The following KCTD8 variants were observed in gnomAD, a reference collection of about 807,000 sequenced individuals.
KCTD8 encodes potassium channel tetramerization domain containing 8.
Under a neutral mutation model 31.5 loss-of-function variants are expected in KCTD8, and 27 were observed. The ratio of observed to expected loss-of-function variants is 0.86; its 90% confidence interval spans 0.63 to 1.18. KCTD8 has a LOEUF of 1.18. Ranked by LOEUF, KCTD8 falls within the 50% of genes most tolerant of loss-of-function variation. KCTD8 has a pLI of 0.00. For missense variants in KCTD8, 658 were observed against 647.7 expected (o/e 1.02, Z -0.17); for synonymous variants, 290 against 280.0 (o/e 1.04, Z -0.36).
intron 1 of KCTD8, among the ~76,000 whole-genome samples, chr4:44,424,073 G>A (rs1489905471): frequency 6.6e-6 from 1 of 152,002 alleles, no homozygotes; most frequent in African/African-American, 2.4e-5. Context: ...CAGCACAATG[G>A]GTTCTAGTTT....
chr4:44,429,843 T>C (rs1234666643), intron 1 of KCTD8, among the ~76,000 whole-genome samples: 1 of 151,682 alleles, frequency 6.6e-6, no homozygotes, highest in Non-Finnish European at 1.5e-5. Context: ...ATAGTTCCTC[T>C]ACTATTAGAA....
At chr4:44,207,423 T>A (rs757747194) in intron 1 of KCTD8, among the ~76,000 whole-genome samples, 15 of 152,294 alleles carry the variant, frequency 9.8e-5, no homozygotes, top group Admixed American at 2.0e-4. Flanking sequence ...CATTTTACGT[T>A]TCTTGTTCAT....
At chr4:44,292,234 C>A (rs1288255623) in intron 1 of KCTD8, among the ~76,000 whole-genome samples, 1 of 151,910 alleles carries the variant, frequency 6.6e-6, no homozygotes, top group Admixed American at 6.6e-5. Flanking sequence ...ACGTGCCCAT[C>A]GACAGTGGAC....
intron 1 of KCTD8, among the ~76,000 whole-genome samples, chr4:44,229,117 A>G (rs1715045504): frequency 6.6e-6 from 1 of 152,166 alleles, no homozygotes; most frequent in Non-Finnish European, 1.5e-5. Context: ...TTGGATTATT[A>G]TCATGATTGA....
At chr4:44,425,242 A>G (rs1226561651) in intron 1 of KCTD8, among the ~76,000 whole-genome samples, 1 of 152,048 alleles carries the variant, frequency 6.6e-6, no homozygotes, top group Non-Finnish European at 1.5e-5. Context: ...GATTTGGGAA[A>G]GGAAGAACCC....
intron 1 of KCTD8, among the ~76,000 whole-genome samples, chr4:44,421,823 T>G (rs1233379358): frequency 6.6e-6 from 1 of 152,094 alleles, no homozygotes; most frequent in Non-Finnish European, 1.5e-5. Flanking sequence ...GAGCTACTAT[T>G]GGGAGTAAGC....
chr4:44,258,782 A>G (rs1347507469), intron 1 of KCTD8, among the ~76,000 whole-genome samples: 1 of 151,886 alleles, frequency 6.6e-6, no homozygotes, highest in East Asian at 1.9e-4. Flanking sequence ...CATATGAGTC[A>G]AGTGGTTTAA....
intron 1 of KCTD8, among the ~76,000 whole-genome samples, chr4:44,284,782 G>T (rs1717006448): frequency 6.6e-6 from 1 of 151,840 alleles, no homozygotes; most frequent in Non-Finnish European, 1.5e-5. Flanking sequence ...CAAGAAAAAA[G>T]CAAACAGCCC....
At chr4:44,230,377 T>A (rs1262602783) in intron 1 of KCTD8, among the ~76,000 whole-genome samples, 1 of 152,206 alleles carries the variant, frequency 6.6e-6, no homozygotes, top group Non-Finnish European at 1.5e-5. Context: ...AAAATTCAGT[T>A]AACCCACTTA....
intron 1 of KCTD8, among the ~76,000 whole-genome samples, chr4:44,429,672 C>A (rs897617830): frequency 2.6e-5 from 4 of 151,736 alleles, no homozygotes; most frequent in African/African-American, 7.3e-5. Flanking sequence ...ATTAAAGGAA[C>A]TCTGGCAAGT....
At chr4:44,225,465 T>C (rs1231654066) in intron 1 of KCTD8, among the ~76,000 whole-genome samples, 2 of 152,242 alleles carry the variant, frequency 1.3e-5, no homozygotes, top group Non-Finnish European at 2.9e-5. Flanking sequence ...AGTTGAGAAG[T>C]TGTGGTACAG....
At chr4:44,394,068 T>A (rs145845372) in intron 1 of KCTD8, among the ~76,000 whole-genome samples, 91 of 152,158 alleles carry the variant, frequency 6.0e-4, no homozygotes, top group African/African-American at 2.1e-3. Flanking sequence ...TACTTTCTCA[T>A]TAAATCATTA....
intron 1 of KCTD8, among the ~76,000 whole-genome samples, chr4:44,281,384 G>A (rs1280294707): frequency 6.6e-6 from 1 of 152,018 alleles, no homozygotes; most frequent in African/African-American, 2.4e-5. Flanking sequence ...CACAGATTTA[G>A]AAGAAATACA....
At chr4:44,358,791 G>T (rs543302477) in intron 1 of KCTD8, among the ~76,000 whole-genome samples, 1 of 151,908 alleles carries the variant, frequency 6.6e-6, no homozygotes, top group African/African-American at 2.4e-5. Flanking sequence ...GGATGGTCTC[G>T]ATCTCCTGAC....
intron 1 of KCTD8, among the ~76,000 whole-genome samples, chr4:44,433,122 T>C (rs1403579259): frequency 6.6e-6 from 1 of 151,770 alleles, no homozygotes; most frequent in African/African-American, 2.4e-5. Context: ...ATACCTTAAA[T>C]TTTAATGGAT....
chr4:44,330,472 A>G (rs944581122), intron 1 of KCTD8, among the ~76,000 whole-genome samples: 1 of 151,848 alleles, frequency 6.6e-6, no homozygotes, highest in Non-Finnish European at 1.5e-5. Context: ...TTTTTCATGG[A>G]TGTTATCAGT....
At chr4:44,283,325 C>T (rs1031763337) in intron 1 of KCTD8, among the ~76,000 whole-genome samples, 7 of 152,012 alleles carry the variant, frequency 4.6e-5, no homozygotes, top group Non-Finnish European at 7.4e-5. Context: ...GCTTGGATTA[C>T]AAGCATGAGA....
chr4:44,193,727 G>A (rs1355257652), intron 1 of KCTD8, among the ~76,000 whole-genome samples: 2 of 151,786 alleles, frequency 1.3e-5, no homozygotes, highest in African/African-American at 2.4e-5. Context: ...TACTGGGACC[G>A]AGGCTTTTTA....
intron 1 of KCTD8, among the ~76,000 whole-genome samples, chr4:44,296,374 A>G (rs367576740): frequency 6.2e-4 from 94 of 151,528 alleles, no homozygotes; most frequent in African/African-American, 2.1e-3. Context: ...TTGGCCTTGG[A>G]AATGACCTTC....
Sources: gnomAD v4.1 joint callset for allele counts (sites outside exome capture counted in the v4.1 genomes callset) on GRCh38, gnomAD v4.1.1 for gene constraint, MANE v1.5 for transcripts, NCBI Gene and HGNC (gene_info 2026-07-23, HGNC 2026-07-21) for gene names.